MCF2L2: variants seen among roughly 807,000 people sequenced by gnomAD.
MCF2L2 encodes the protein probable guanine nucleotide exchange factor MCF2L2.
In MCF2L2, 102 loss-of-function variants were observed where a neutral mutation model predicts 150.2. The observed-to-expected ratio is 0.68, with a 90% CI of 0.58 to 0.80. MCF2L2 has a LOEUF of 0.80. MCF2L2 is among the 30% of genes least tolerant of loss of function. MCF2L2 has a pLI of 0.00. For missense variants in MCF2L2, 1,256 were observed against 1,372.8 expected, an observed-to-expected ratio of 0.91 and a Z score of 1.34; for synonymous variants, 465 against 491.3, an observed-to-expected ratio of 0.95 and a Z score of 0.71.
chr3:183,360,973 GAAAAGAAAAGAAAAGAA>G, intron 3 of MCF2L2, among the ~76,000 whole-genome samples: 1 of 91,674 alleles, frequency 1.1e-5, no homozygotes. Context: ...GAAAAGAAAA[GAAAAGAAAAGAAAAGAA>G]AAGAAAAGAA....
chr3:183,313,876 T>C (rs6443862), intron 7 of MCF2L2, among the ~76,000 whole-genome samples: 87,119 of 152,006 alleles, frequency 0.57, 25,295 homozygotes, highest in East Asian at 0.82. Flanking sequence ...CCTCAGAAAA[T>C]GGGAGCCCCA....
chr3:183,370,861 G>T (rs1286205960), intron 3 of MCF2L2, among the ~76,000 whole-genome samples: 1 of 152,168 alleles, frequency 6.6e-6, no homozygotes, highest in Non-Finnish European at 1.5e-5. Flanking sequence ...CCTCAGTTGG[G>T]TGCCCAAAAT....
intron 27 of MCF2L2, among the ~76,000 whole-genome samples, chr3:183,191,976 G>A (rs1348202280): frequency 6.7e-6 from 1 of 149,040 alleles, no homozygotes; most frequent in Non-Finnish European, 1.5e-5. Flanking sequence ...GAGTAGCTGG[G>A]ACTACAGGCG....
At chr3:183,376,805 T>A (rs188827406) in intron 3 of MCF2L2, 32 of 152,306 alleles carry the variant, frequency 2.1e-4, no homozygotes, top group Admixed American at 1.4e-3. Flanking sequence ...TAATAAACTA[T>A]GAAAATGTGA....
At position 183,276,972 on chromosome 3, in the gene MCF2L2, A is replaced by G. The variant is rs756656295; in HGVS notation, c.1777-15T>C. 3.2e-6 allele frequency: 5 copies of G among 1,563,682 alleles called. No individual in the cohort carries two copies. In the African/African-American group the frequency reaches 5.4e-5, roughly 17 times the overall value. ...ATTTCTTCACTCTGAAGTGAAAGAA[A>G]TTTTGGTAAGATTTGATATTGTAGG... On this transcript the variant is annotated splice_polypyrimidine_tract_variant and intron_variant, in intron 14 of 29. Coordinates refer to ENST00000328913, the MANE Select transcript of MCF2L2 (RefSeq NM_015078.4).
chr3:183,412,574 C>G (rs1349246427), intron 1 of MCF2L2, among the ~76,000 whole-genome samples: 2 of 152,190 alleles, frequency 1.3e-5, no homozygotes, highest in African/African-American at 4.8e-5. Flanking sequence ...GCTGGGATTA[C>G]AGGCATGAGC....
chr3:183,283,713 G>A lies in MCF2L2; in HGVS notation c.1776+5407C>T, dbSNP rs1467303517. Among the ~76,000 whole-genome samples the A allele has an allele frequency of 2.0e-5, 3 of 152,030 alleles. No individual in the cohort carries two copies. Among genetic ancestry groups the A allele is most frequent in the Admixed American group, 6.6e-5 (1 of 15,258 alleles). Reference sequence around the variant, plus strand: ...ATTTTTGTATTTTTAGTAGAGACGAGGTTTCACCATGTTGGTCAGTCTGGT... The same window carrying A: ...ATTTTTGTATTTTTAGTAGAGACGAAGTTTCACCATGTTGGTCAGTCTGGT... On this transcript the variant is annotated intron_variant, in intron 14 of 29. Coordinates refer to ENST00000328913, the MANE Select transcript of MCF2L2 (RefSeq NM_015078.4). This position sits in a 1 kb window ranked among gnomAD's most constrained non-coding sequence, Gnocchi z 4.2.
intron 15 of MCF2L2, among the ~76,000 whole-genome samples, chr3:183,247,072 T>G (rs973335976): frequency 3.3e-5 from 5 of 152,224 alleles, no homozygotes; most frequent in Admixed American, 6.5e-5. Flanking sequence ...TTGATAGATT[T>G]ATAGGATGCA....
chr3:183,388,683 C>T (rs1049813070), intron 2 of MCF2L2, among the ~76,000 whole-genome samples: 2 of 152,110 alleles, frequency 1.3e-5, no homozygotes, highest in East Asian at 1.9e-4. Flanking sequence ...ACTGATATGG[C>T]GGAAAGACCA....
At chr3:183,411,951 C>T (rs746116333) in intron 1 of MCF2L2, among the ~76,000 whole-genome samples, 6 of 152,050 alleles carry the variant, frequency 3.9e-5, no homozygotes, top group African/African-American at 7.2e-5. Flanking sequence ...AATGCTATGA[C>T]GAAGGAAAGC....
chr3:183,363,882 G>A (rs919926837), intron 3 of MCF2L2, among the ~76,000 whole-genome samples: 12 of 152,190 alleles, frequency 7.9e-5, no homozygotes, highest in African/African-American at 2.7e-4. Context: ...TTACATGCCA[G>A]TAACAGAGGA....
At chr3:183,216,215 T>C (rs1229903299) in intron 21 of MCF2L2, 121 bp from the exon 22 acceptor site, 4 of 1,059,338 alleles carry the variant, frequency 3.8e-6, no homozygotes, top group Non-Finnish European at 5.5e-6. Context: ...AGGGTGGATA[T>C]TGATCTGTCT....
intron 3 of MCF2L2, among the ~76,000 whole-genome samples, chr3:183,369,258 A>G (rs1409870518): frequency 1.3e-5 from 2 of 152,090 alleles, no homozygotes; most frequent in African/African-American, 4.8e-5. Flanking sequence ...TTTCTTCCCT[A>G]AGGCTTTCAC....
At chr3:183,361,120 A>AGACAAGACAAGAC (rs1712173139) in intron 3 of MCF2L2, among the ~76,000 whole-genome samples, 3 of 88,820 alleles carry the variant, frequency 3.4e-5, no homozygotes, top group African/African-American at 1.9e-4. Context: ...GAAAAAAGAA[A>AGACAAGACAAGAC]AAGAAAAGAA....
chr3:183,274,967 T>G (rs552123469), intron 15 of MCF2L2, among the ~76,000 whole-genome samples: 3 of 140,666 alleles, frequency 2.1e-5, no homozygotes, highest in South Asian at 4.2e-4. Context: ...ATAGCTTGGT[T>G]TTTTTTTTTT....
chr3:183,353,414 C>A (rs1208522867), intron 3 of MCF2L2, among the ~76,000 whole-genome samples: 1 of 152,172 alleles, frequency 6.6e-6, no homozygotes, highest in Non-Finnish European at 1.5e-5. Flanking sequence ...TGTATTAGCC[C>A]GTTCCCGCAC....
chr3:183,244,763 A>G (rs1724177111), intron 15 of MCF2L2, among the ~76,000 whole-genome samples: 1 of 152,046 alleles, frequency 6.6e-6, no homozygotes, highest in Non-Finnish European at 1.5e-5. Context: ...TAATCAGGAA[A>G]CAGTTCAAAT....
chr3:183,221,141 G>A (rs1420465943), intron 20 of MCF2L2, among the ~76,000 whole-genome samples: 2 of 152,166 alleles, frequency 1.3e-5, no homozygotes, highest in Non-Finnish European at 2.9e-5. Flanking sequence ...TTGCAGGCAC[G>A]TAATGGCCTG....
chr3:183,179,286 T>C lies in MCF2L2; in HGVS notation c.*94A>G. On this transcript the variant is annotated 3_prime_UTR_variant, in exon 30 of 30. Transcript: ENST00000328913. This position sits in a 1 kb window ranked among gnomAD's most constrained non-coding sequence, Gnocchi z 4.2. ...TGCCGCCGCCGAGGCTCCGGCTGCT[T>C]TCTGCGTAGCTGGGCAGGGCCCGGG... is the stretch of plus-strand genomic sequence containing the variant. 7.4e-7 allele frequency: 1 copy of C among 1,350,390 alleles called. No homozygotes were observed. Among genetic ancestry groups the C allele is most frequent in the Non-Finnish European group, 9.5e-7 (1 of 1,055,568 alleles). 83.7% of individuals were successfully genotyped at this position (1,350,390 alleles called of 1,614,324 possible).
Sources: gnomAD v4.1 joint callset for allele counts (sites outside exome capture counted in the v4.1 genomes callset) on GRCh38, gnomAD v4.1.1 for gene constraint, Gnocchi (gnomAD v3.1) non-coding constraint, MANE v1.5 for transcripts, NCBI Gene and HGNC (gene_info 2026-07-23, HGNC 2026-07-21) for gene names.